Variants in RALGAPA2 observed in about 807,000 individuals in gnomAD.
RALGAPA2 encodes the protein Ral GTPase activating protein catalytic subunit alpha 2.
Under a neutral mutation model 230.4 loss-of-function variants are expected in RALGAPA2, and 139 were observed. That is an observed-to-expected ratio of 0.60 (90% CI 0.53 to 0.69). RALGAPA2 has a LOEUF of 0.69. Ranked by LOEUF, RALGAPA2 falls within the 30% of genes least tolerant of loss-of-function variation. The probability of loss-of-function intolerance (pLI) is 0.00; values close to 1 mark genes in which losing one functional copy is unlikely to be tolerated. For synonymous variants in RALGAPA2, 847 were observed against 837.8 expected, an observed-to-expected ratio of 1.01 and a Z score of -0.19; for missense variants, 2,163 against 2,276.0, an observed-to-expected ratio of 0.95 and a Z score of 1.01.
At chr20:20,540,947 A>G (rs1019889825) in intron 24 of RALGAPA2, among the ~76,000 whole-genome samples, 1 of 152,090 alleles carries the variant, frequency 6.6e-6, no homozygotes, top group African/African-American at 2.4e-5. Context: ...TCAAATAAGG[A>G]AGAATCACTA....
At chr20:20,640,968 A>G (rs867686313) in intron 5 of RALGAPA2, 90 bp from the exon 6 acceptor site, 2 of 1,216,472 alleles carry the variant, frequency 1.6e-6, no homozygotes, top group South Asian at 3.1e-5. Flanking sequence ...AAGAAAAACT[A>G]CAAGTTAAAG....
chr20:20,614,516 T>C (rs1489223054), intron 13 of RALGAPA2, among the ~76,000 whole-genome samples: 1 of 152,230 alleles, frequency 6.6e-6, no homozygotes, highest in Non-Finnish European at 1.5e-5. Context: ...GACGTGGAAT[T>C]TGTTTACATC....
Position 20,640,692 on chromosome 20 carries a change from A to G in RALGAPA2, c.550+9T>C, listed in dbSNP as rs1183090274. The G allele has an allele frequency of 6.2e-7, 1 of 1,602,360 alleles. No individual in the cohort carries two copies. The highest frequency in any genetic ancestry group is 8.5e-7 in the Non-Finnish European group (1 of 1,172,412). ...ATTTCAACATGGGAGATCTGCTAAC[A>G]TAACTTACCATCAGCTACACTAGGG... On this transcript the variant is annotated intron_variant, in intron 6 of 39. Coordinates refer to ENST00000202677, the MANE Select transcript of RALGAPA2 (RefSeq NM_020343.4).
intron 3 of RALGAPA2, among the ~76,000 whole-genome samples, chr20:20,669,156 G>A (rs952085256): frequency 1.1e-4 from 16 of 152,160 alleles, no homozygotes; most frequent in African/African-American, 3.1e-4. Context: ...TAAGCCTCTT[G>A]TGTCGATGTA....
chr20:20,470,552 C>A (rs897170146), intron 37 of RALGAPA2, among the ~76,000 whole-genome samples: 1 of 151,968 alleles, frequency 6.6e-6, no homozygotes, highest in Admixed American at 6.6e-5. Flanking sequence ...GTAATCTCCC[C>A]AAGGGCTGAG....
chr20:20,513,739 G>C (rs1382440077), intron 31 of RALGAPA2, among the ~76,000 whole-genome samples: 1 of 152,202 alleles, frequency 6.6e-6, no homozygotes, highest in Non-Finnish European at 1.5e-5. Flanking sequence ...ACCAGAAAAA[G>C]CTGCAGGCAA....
At chr20:20,550,299 TTA>T (rs2063887497) in intron 23 of RALGAPA2, among the ~76,000 whole-genome samples, 1 of 152,188 alleles carries the variant, frequency 6.6e-6, no homozygotes, top group African/African-American at 2.4e-5. Context: ...TCTGAAAAAT[TTA>T]TGTGTATCCT....
At chr20:20,472,735 A>G in intron 37 of RALGAPA2, 94 bp downstream of exon 37, 1 of 1,373,888 alleles carries the variant, frequency 7.3e-7, no homozygotes, top group African/African-American at 1.5e-5. Context: ...TTCCCTCTTC[A>G]ATTCAGTTTT....
At chr20:20,500,371 T>C (rs1379520688) in intron 35 of RALGAPA2, among the ~76,000 whole-genome samples, 1 of 152,234 alleles carries the variant, frequency 6.6e-6, no homozygotes, top group Non-Finnish European at 1.5e-5. Flanking sequence ...ATTAAATTTA[T>C]GGAATATTCT....
chr20:20,659,823 G>GAGC, intron 3 of RALGAPA2: 2 of 797,096 alleles, frequency 2.5e-6, no homozygotes, highest in Non-Finnish European at 4.0e-6. Context: ...ACAAGAATCA[G>GAGC]AGCAGCAGCA....
At chr20:20,451,929 TATA>T (rs1400218924) in intron 37 of RALGAPA2, among the ~76,000 whole-genome samples, 1 of 152,258 alleles carries the variant, frequency 6.6e-6, no homozygotes, top group East Asian at 1.9e-4. Flanking sequence ...TTTAAAATAC[TATA>T]ATGTGAGCTT....
rs1488957033 is a variant in RALGAPA2, at chr20:20,527,861, C to T, written c.3583-1499G>A. ...GTGGGCACTGTGTGTGTTGCTGATG[C>T]ACCACAGTGGCAGAGTCACCAGGTG... On this transcript the variant is annotated intron_variant, in intron 27 of 39. Transcript: ENST00000202677. 2.6e-5 allele frequency among the ~76,000 whole-genome samples: 4 copies of T among 152,142 alleles called. No homozygotes were observed. In the East Asian group the frequency reaches 7.7e-4, roughly 29 times the overall value.
At chr20:20,711,893 T>A (rs2069887652) in intron 1 of RALGAPA2, among the ~76,000 whole-genome samples, 1 of 151,800 alleles carries the variant, frequency 6.6e-6, no homozygotes, top group Admixed American at 6.6e-5. Context: ...CACTCAAAAG[T>A]AAAAATAAAA....
At chr20:20,500,813 G>GT (rs1415938870) in intron 35 of RALGAPA2, among the ~76,000 whole-genome samples, 4 of 152,200 alleles carry the variant, frequency 2.6e-5, no homozygotes, top group Non-Finnish European at 5.9e-5. Flanking sequence ...TTCTTAAATA[G>GT]TAAGACTTGA....
chr20:20,436,058 T>C (rs2060605085), intron 37 of RALGAPA2, among the ~76,000 whole-genome samples: 1 of 152,200 alleles, frequency 6.6e-6, no homozygotes, highest in Non-Finnish European at 1.5e-5. Context: ...GCATTTCATA[T>C]GGTCTAACCC....
chr20:20,548,550 T>C (rs905673729), intron 23 of RALGAPA2, among the ~76,000 whole-genome samples: 1 of 151,974 alleles, frequency 6.6e-6, no homozygotes, highest in African/African-American at 2.4e-5. Context: ...AATAGATAAG[T>C]GAAAAAGGAA....
intron 37 of RALGAPA2, among the ~76,000 whole-genome samples, chr20:20,449,119 T>C (rs909857008): frequency 1.3e-5 from 2 of 152,206 alleles, no homozygotes; most frequent in African/African-American, 4.8e-5. Flanking sequence ...TGACGCTAAA[T>C]TGGGACAGAG....
chr20:20,665,080 G>C (rs951530538), intron 3 of RALGAPA2, among the ~76,000 whole-genome samples: 1 of 151,748 alleles, frequency 6.6e-6, no homozygotes, highest in African/African-American at 2.4e-5. Flanking sequence ...CTCTCCTAAA[G>C]GTATATATTA....
intron 14 of RALGAPA2, among the ~76,000 whole-genome samples, chr20:20,609,266 T>C (rs1233330941): frequency 6.6e-6 from 1 of 152,200 alleles, no homozygotes; most frequent in African/African-American, 2.4e-5. Flanking sequence ...CCCAAAGTGC[T>C]GGGATTACAA....
Sources: allele counts gnomAD v4.1 joint callset (sites outside exome capture counted in the v4.1 genomes callset), GRCh38; gene constraint gnomAD v4.1.1; transcripts MANE v1.5; gene names NCBI Gene and HGNC (gene_info 2026-07-23, HGNC 2026-07-21).